Variants in PPARGC1A observed in about 807,000 individuals in gnomAD.
PPARGC1A encodes the protein peroxisome proliferator-activated receptor gamma coactivator 1-alpha.
A neutral mutation model predicts 88.7 loss-of-function variants in PPARGC1A; 25 were observed. The observed-to-expected ratio is 0.28, with a 90% CI of 0.21 to 0.39. The LOEUF (loss-of-function observed/expected upper bound fraction) is 0.39. Among genes scored for constraint, PPARGC1A ranks in the 10% least tolerant of loss-of-function variants. PPARGC1A has a pLI of 1.00. For synonymous variants in PPARGC1A, 363 were observed against 355.6 expected (o/e 1.02, Z -0.24); for missense variants, 880 against 968.7 (o/e 0.91, Z 1.22).
chr4:23,913,216 G>A, the PPARGC1A span, among the ~76,000 whole-genome samples: 3 of 125,064 alleles, frequency 2.4e-5, no homozygotes, highest in South Asian at 2.6e-4. Context: ...TCTCTCAATT[G>A]GTAGATATTA....
chr4:23,945,275 T>G, the PPARGC1A span, among the ~76,000 whole-genome samples: 1 of 152,162 alleles, frequency 6.6e-6, no homozygotes, highest in Non-Finnish European at 1.5e-5. Flanking sequence ...TGCATACATT[T>G]TAGGTACCAA....
At chr4:24,162,707 T>G in the PPARGC1A span, among the ~76,000 whole-genome samples, 4 of 151,896 alleles carry the variant, frequency 2.6e-5, no homozygotes, top group African/African-American at 9.7e-5. Context: ...TTCTCCTTCT[T>G]CTGCCTCCCA....
the PPARGC1A span, among the ~76,000 whole-genome samples, chr4:23,938,808 T>G: frequency 2.0e-5 from 3 of 152,158 alleles, no homozygotes; most frequent in Non-Finnish European, 2.9e-5. Flanking sequence ...GAAGCAAACC[T>G]TCCTCCCATC....
At chr4:24,341,687 C>T in the PPARGC1A span, among the ~76,000 whole-genome samples, 1 of 152,108 alleles carries the variant, frequency 6.6e-6, no homozygotes, top group Non-Finnish European at 1.5e-5. Context: ...AGAAGACATA[C>T]AAGAAAGAAC....
At chr4:24,081,205 T>C in the PPARGC1A span, among the ~76,000 whole-genome samples, 3,997 of 152,218 alleles carry the variant, frequency 0.026, 152 homozygotes, top group African/African-American at 0.077. Context: ...AGCTATATCA[T>C]GTAACCACTT....
Position 23,866,914 on chromosome 4 carries a change from T to C in PPARGC1A, c.234+17838A>G, listed in dbSNP as rs574304045. On this transcript the variant is annotated intron_variant, in intron 2 of 12. Coordinates refer to ENST00000264867, the MANE Select transcript of PPARGC1A (RefSeq NM_013261.5). ...CTGCGCTGCTTTTGTTAAAACCTAA[T>C]GAGCCATTGAACTGCGGAGTGCAAT... Among the ~76,000 whole-genome samples, 13 of 152,300 alleles carry C rather than the reference T, an allele frequency of 8.5e-5. 1 individual carries two copies. The highest frequency in any genetic ancestry group is 3.1e-4 in the African/African-American group (13 of 41,560).
the PPARGC1A span, among the ~76,000 whole-genome samples, chr4:24,432,799 A>C: frequency 6.6e-6 from 1 of 152,266 alleles, no homozygotes; most frequent in East Asian, 1.9e-4. Context: ...AATTGATTTG[A>C]ATAACTGTTA....
the PPARGC1A span, among the ~76,000 whole-genome samples, chr4:24,024,947 A>G: frequency 1.3e-5 from 2 of 152,228 alleles, no homozygotes; most frequent in Non-Finnish European, 2.9e-5. Flanking sequence ...TCCTTAAAGC[A>G]TGTAGGATTT....
At chr4:24,236,437 T>C in the PPARGC1A span, among the ~76,000 whole-genome samples, 9 of 152,308 alleles carry the variant, frequency 5.9e-5, no homozygotes, top group East Asian at 1.7e-3. Flanking sequence ...AAGATGTGCA[T>C]GGAAATGCCA....
the PPARGC1A span, among the ~76,000 whole-genome samples, chr4:24,198,548 A>G: frequency 6.6e-6 from 1 of 152,168 alleles, no homozygotes; most frequent in African/African-American, 2.4e-5. Context: ...CCAAGTGTCA[A>G]CAAGCTTACT....
At chr4:24,264,307 C>T in the PPARGC1A span, among the ~76,000 whole-genome samples, 3 of 152,120 alleles carry the variant, frequency 2.0e-5, no homozygotes, top group Admixed American at 2.0e-4. Flanking sequence ...ACTCAATTTC[C>T]AGTTACTTGC....
At chr4:24,265,770 G>T in the PPARGC1A span, among the ~76,000 whole-genome samples, 1 of 151,912 alleles carries the variant, frequency 6.6e-6, no homozygotes, top group African/African-American at 2.4e-5. Context: ...GGCGAAAATT[G>T]TTCCTCACGT....
At chr4:24,113,559 G>A in the PPARGC1A span, among the ~76,000 whole-genome samples, 1 of 152,142 alleles carries the variant, frequency 6.6e-6, no homozygotes, top group South Asian at 2.1e-4. Context: ...GTCCAATCCT[G>A]ATCATTTGAT....
chr4:24,466,736 G>A, the PPARGC1A span, among the ~76,000 whole-genome samples: 4 of 151,982 alleles, frequency 2.6e-5, no homozygotes, highest in East Asian at 7.7e-4. Context: ...CCAACATGGT[G>A]AAACCTCATC....
chr4:23,817,636 A>G (rs1722224458), intron 7 of PPARGC1A, among the ~76,000 whole-genome samples: 1 of 152,192 alleles, frequency 6.6e-6, no homozygotes. Context: ...TGAAACAAAT[A>G]GGTAATATTT....
chr4:24,107,003 C>T, the PPARGC1A span, among the ~76,000 whole-genome samples: 1 of 152,184 alleles, frequency 6.6e-6, no homozygotes, highest in African/African-American at 2.4e-5. Flanking sequence ...GATATAGCTT[C>T]CTCTGGAAAA....
At chr4:24,418,421 C>G in the PPARGC1A span, among the ~76,000 whole-genome samples, 4 of 152,046 alleles carry the variant, frequency 2.6e-5, no homozygotes, top group African/African-American at 9.7e-5. Context: ...TACTGAAGTC[C>G]TACATGAGCC....
intron 1 of PPARGC1A, among the ~76,000 whole-genome samples, chr4:23,896,828 G>T (rs527983894): frequency 8.5e-5 from 13 of 152,306 alleles, no homozygotes; most frequent in African/African-American, 3.1e-4. Context: ...GGGAAAAAAG[G>T]AGGGGCCACC....
the PPARGC1A span, among the ~76,000 whole-genome samples, chr4:24,458,819 G>A: frequency 6.6e-6 from 1 of 152,170 alleles, no homozygotes; most frequent in Non-Finnish European, 1.5e-5. Context: ...GGAGGCATAT[G>A]AAATATTATA....
Sources: allele counts gnomAD v4.1 joint callset (sites outside exome capture counted in the v4.1 genomes callset), GRCh38; gene constraint gnomAD v4.1.1; transcripts MANE v1.5; gene names NCBI Gene and HGNC (gene_info 2026-07-23, HGNC 2026-07-21).